HLA-DQA1: variants seen among roughly 807,000 people sequenced by gnomAD.
HLA-DQA1 encodes the protein major histocompatibility complex, class II, DQ alpha 1.
HLA-DQA1 carries 10 observed loss-of-function variants against 20.7 expected under a neutral mutation model. The ratio of observed to expected loss-of-function variants is 0.48; its 90% CI spans 0.30 to 0.82. The LOEUF (loss-of-function observed/expected upper bound fraction) is 0.82. Among genes scored for constraint, HLA-DQA1 ranks in the 40% least tolerant of loss-of-function variants. The pLI, the probability that HLA-DQA1 is intolerant of heterozygous loss-of-function variation, is 0.07. For synonymous variants in HLA-DQA1, 39 were observed against 109.2 expected (o/e 0.36, Z 4.01); for missense variants, 127 against 293.0 (o/e 0.43, Z 4.14).
intron 3 of HLA-DQA1, 119 bp from the exon 4 acceptor site, chr6:32,642,491 C>A: frequency 1.2e-6 from 1 of 834,190 alleles, no homozygotes; most frequent in Non-Finnish European, 1.9e-6. Flanking sequence ...AGACTTCACT[C>A]TTCTCCCTAA....
chr6:32,642,495 T>A, intron 3 of HLA-DQA1, 115 bp from the exon 4 acceptor site: 1 of 850,900 alleles, frequency 1.2e-6, no homozygotes, highest in Non-Finnish European at 1.9e-6. Context: ...TTCACTCTTC[T>A]CCCTAAGCCT....
At chr6:32,640,531 T>C (rs28383411) in intron 1 of HLA-DQA1, among the ~76,000 whole-genome samples, 2,130 of 63,894 alleles carry the variant, frequency 0.033, 119 homozygotes, top group East Asian at 0.12. Flanking sequence ...CAGAATGCTG[T>C]AGACATTTAG....
downstream of HLA-DQA1, chr6:32,644,360 T>G (rs1781737654): frequency 6.6e-6 from 1 of 152,192 alleles, no homozygotes; most frequent in Non-Finnish European, 1.5e-5. Flanking sequence ...TATAGTTTGG[T>G]GCAAAGAACC....
At chr6:32,652,677 A>C in the HLA-DQA1 span, among the ~76,000 whole-genome samples, 71,155 of 131,454 alleles carry the variant, frequency 0.54, 20,445 homozygotes, top group Middle Eastern at 0.69. Context: ...AAAAGGGTGC[A>C]TGTACCTCAT....
downstream of HLA-DQA1, among the ~76,000 whole-genome samples, chr6:32,649,137 A>G (rs1358475137): frequency 5.1e-5 from 5 of 97,122 alleles, 2 homozygotes; most frequent in Admixed American, 2.5e-4. Flanking sequence ...AAAAGAGGAC[A>G]CAAACAAACA....
chr6:32,642,600 A>C lies in HLA-DQA1; in HGVS notation c.614-10A>C. 7.3e-7 allele frequency: 1 copy of C among 1,376,486 alleles called. No individual in the cohort carries two copies. The highest frequency in any genetic ancestry group is 1.0e-6 in the Non-Finnish European group (1 of 996,170). The allele number at this position is 1,376,486 out of a possible 1,614,324, so 85.3% of individuals were successfully genotyped here. A position where few individuals can be genotyped will look rare whatever the true frequency, so the allele number is the denominator to read the frequency against. Reference sequence around the variant, plus strand: ...TCTGCATTCTGACCTCAACAACTTCACTTCCACAGAGCCTGAGATTCCAGC... The same window carrying C: ...TCTGCATTCTGACCTCAACAACTTCCCTTCCACAGAGCCTGAGATTCCAGC... On this transcript the variant is annotated splice_polypyrimidine_tract_variant and intron_variant, in intron 3 of 4. Transcript: ENST00000343139.
At chr6:32,646,874 G>GAGAAAGAAGAGA, downstream of HLA-DQA1, 1 of 45,234 alleles carries the variant, frequency 2.2e-5, no homozygotes, top group East Asian at 6.7e-4. Flanking sequence ...TCAAGAGAGA[G>GAGAAAGAAGAGA]AGAGAAGAGA....
chr6:32,644,317 A>C (rs1461360916), downstream of HLA-DQA1: 1 of 152,192 alleles, frequency 6.6e-6, no homozygotes, highest in East Asian at 1.9e-4. Context: ...ATTGGAGAAA[A>C]AATACAAAAC....
In HLA-DQA1 at chr6:32,638,082, C is replaced by A. The variant is rs373744062; in HGVS notation, c.82+542C>A. 7.5e-5 allele frequency among the ~76,000 whole-genome samples: 10 copies of A among 132,892 alleles called. No homozygotes were observed. The South Asian group carries it at 1.5e-3, about 20-fold the overall frequency. The allele number at this position is 132,892 out of a possible 152,430, so 87.2% of individuals were successfully genotyped here. On this transcript the variant is annotated intron_variant, in intron 1 of 4. Coordinates refer to ENST00000343139, the MANE Select transcript of HLA-DQA1 (RefSeq NM_002122.5). ...AGTCCAGCAGGCTGAATGCCTTCAA[C>A]AATCATTTTACCACATGGTCCTCAC...
chr6:32,640,401 CA>C (rs139765606), intron 1 of HLA-DQA1, among the ~76,000 whole-genome samples: 8,058 of 93,706 alleles, frequency 0.086, 1,907 homozygotes, highest in Middle Eastern at 0.19. Context: ...CATGTCTTGA[CA>C]AAAAAGTCCA....
At chr6:32,655,272 A>T in the HLA-DQA1 span, among the ~76,000 whole-genome samples, 3 of 92,882 alleles carry the variant, frequency 3.2e-5, no homozygotes, top group African/African-American at 1.3e-4. Flanking sequence ...TTTTAAAATC[A>T]CCTCTTAACT....
downstream of HLA-DQA1, chr6:32,643,787 C>T (rs1781683319): frequency 6.6e-6 from 1 of 152,134 alleles, no homozygotes; most frequent in South Asian, 2.1e-4. Flanking sequence ...GTCAGAAAAA[C>T]ATTAGAATAA....
chr6:32,652,887 T>C, the HLA-DQA1 span, among the ~76,000 whole-genome samples: 1 of 85,486 alleles, frequency 1.2e-5, no homozygotes, highest in African/African-American at 3.9e-5. Context: ...GAAACTGTAT[T>C]ATTATTCAGT....
chr6:32,651,588 C>CAAAAAA (rs70996710), downstream of HLA-DQA1, among the ~76,000 whole-genome samples: 22 of 15,272 alleles, frequency 1.4e-3, 3 homozygotes, highest in Non-Finnish European at 1.5e-3. Context: ...CGTCTCAAAG[C>CAAAAAA]AAAAAAAAAA....
intron 1 of HLA-DQA1, 62 bp downstream of exon 1, chr6:32,637,602 A>AG: frequency 1.3e-6 from 1 of 782,362 alleles, no homozygotes. Context: ...AGGAAAAGAG[A>AG]TAAAGCGATT....
At chr6:32,648,963 T>C (rs1782084312), downstream of HLA-DQA1, among the ~76,000 whole-genome samples, 5 of 95,574 alleles carry the variant, frequency 5.2e-5, 2 homozygotes, top group Admixed American at 2.6e-4. Context: ...AGTGAAAAAA[T>C]CACAAGCATT....
At chr6:32,650,340 C>T (rs1417811738), downstream of HLA-DQA1, among the ~76,000 whole-genome samples, 1 of 96,970 alleles carries the variant, frequency 1.0e-5, no homozygotes, top group African/African-American at 3.6e-5. Flanking sequence ...CCCAGCGATC[C>T]CATTCCTGGG....
At position 32,639,489 on chromosome 6, in the gene HLA-DQA1, A is replaced by G. The variant is rs1781198582; in HGVS notation, c.83-1821A>G. The G allele has an allele frequency of 2.1e-5, 2 of 97,116 alleles. 1 individual carries two copies. The highest frequency in any genetic ancestry group is 7.1e-5 in the African/African-American group (2 of 28,122). The allele number at this position is 97,116 out of a possible 1,614,324, so 6.0% of individuals were successfully genotyped here. A position where few individuals can be genotyped will look rare whatever the true frequency, so the allele number is the denominator to read the frequency against. On this transcript the variant is annotated intron_variant, in intron 1 of 4. Coordinates refer to ENST00000343139, the MANE Select transcript of HLA-DQA1 (RefSeq NM_002122.5). ...TGTGTGCCTGCCCGTCTTCCCCAAA[A>G]TCTATGTGGTCCTCGAATATAGCAA...
In HLA-DQA1 at chr6:32,642,231, C is replaced by T. The variant is rs2308890; in HGVS notation, c.591C>T (p.Asp197=). The T allele has an allele frequency of 0.28, 326,770 of 1,174,640 alleles. 85,966 individuals carry two copies. Among genetic ancestry groups the T allele is most frequent in the Admixed American group, 0.39 (17,883 of 45,326 alleles). The allele number at this position is 1,174,640 out of a possible 1,614,324, so 72.8% of individuals were successfully genotyped here. A position where few individuals can be genotyped will look rare whatever the true frequency, so the allele number is the denominator to read the frequency against. ...YDCKVEHWGL[D]QPLLKHWEPE... ...GCAAGGTGGAGCACTGGGGCCTGGA[C>T]CAGCCTCTTCTGAAACACTGGGGTA... Residue 197 remains aspartate (D), a synonymous_variant, in exon 3 of 5, where the codon GAC becomes GAT. Coordinates refer to ENST00000343139, the MANE Select transcript of HLA-DQA1 (RefSeq NM_002122.5).
Sources: gnomAD v4.1 joint callset for allele counts (sites outside exome capture counted in the v4.1 genomes callset) on GRCh38, gnomAD v4.1.1 for gene constraint, MANE v1.5 for transcripts, NCBI Gene and HGNC (gene_info 2026-07-23, HGNC 2026-07-21) for gene names.